Variants in POLR3B observed in about 807,000 individuals in gnomAD.
POLR3B encodes DNA-directed RNA polymerase III subunit RPC2.
Under a neutral mutation model 147.4 loss-of-function variants are expected in POLR3B, and 96 were observed. The observed-to-expected ratio is 0.65, with a 90% CI of 0.55 to 0.77. The LOEUF (loss-of-function observed/expected upper bound fraction) is 0.77, where lower values mean the gene tolerates loss of function less well. Among genes scored for constraint, POLR3B ranks in the 30% least tolerant of loss-of-function variants. POLR3B has a pLI of 0.00. For synonymous variants in POLR3B, 461 were observed against 485.9 expected (o/e 0.95, Z 0.67); for missense variants, 1,036 against 1,413.5 (o/e 0.73, Z 4.28).
At chr12:106,438,521 A>G (rs972490784) in intron 18 of POLR3B, among the ~76,000 whole-genome samples, 4 of 151,344 alleles carry the variant, frequency 2.6e-5, no homozygotes, top group African/African-American at 9.7e-5. Context: ...TTTTGAGACA[A>G]GGTCTTGCTC....
chr12:106,358,006 G>A, intron 1 of POLR3B, 55 bp downstream of exon 1: 4 of 1,596,268 alleles, frequency 2.5e-6, no homozygotes, highest in Middle Eastern at 2.2e-4. Context: ...CTGAGGGGGC[G>A]TTGCCCGGAG....
intron 10 of POLR3B, among the ~76,000 whole-genome samples, chr12:106,404,045 A>G (rs922982563): frequency 6.6e-6 from 1 of 150,916 alleles, no homozygotes; most frequent in Non-Finnish European, 1.5e-5. Flanking sequence ...TTCCAAAATG[A>G]TTGTACCATT....
intron 18 of POLR3B, among the ~76,000 whole-genome samples, chr12:106,443,886 A>T (rs2037687509): frequency 6.6e-6 from 1 of 151,212 alleles, no homozygotes; most frequent in African/African-American, 2.4e-5. Context: ...GTGCAGTGGC[A>T]TGATCTCAGC....
intron 19 of POLR3B, among the ~76,000 whole-genome samples, chr12:106,445,801 C>T (rs1055815928): frequency 6.6e-6 from 1 of 152,106 alleles, no homozygotes; most frequent in African/African-American, 2.4e-5. Context: ...TGGGTAACAA[C>T]CAGAATGCAT....
At chr12:106,455,167 G>A (rs1008730785) in intron 20 of POLR3B, among the ~76,000 whole-genome samples, 3 of 152,146 alleles carry the variant, frequency 2.0e-5, no homozygotes, top group Non-Finnish European at 2.9e-5. Flanking sequence ...GCCAAGTGAC[G>A]AAAGTTAAAA....
intron 23 of POLR3B, among the ~76,000 whole-genome samples, chr12:106,477,151 C>CT (rs1296675514): frequency 7.2e-6 from 1 of 138,154 alleles, no homozygotes; most frequent in Non-Finnish European, 1.5e-5. Context: ...TGTGCCCCTG[C>CT]TGGGGGGTGC....
chr12:106,359,344 T>TG (rs2036433980), intron 1 of POLR3B, among the ~76,000 whole-genome samples: 1 of 151,110 alleles, frequency 6.6e-6, no homozygotes, highest in African/African-American at 2.4e-5. Flanking sequence ...TTTTTTTTTT[T>TG]TTTTTGAGAC....
chr12:106,406,033 G>T (rs964462434), intron 11 of POLR3B, 57 bp downstream of exon 11: 9 of 1,582,492 alleles, frequency 5.7e-6, no homozygotes, highest in Non-Finnish European at 7.8e-6. Flanking sequence ...ATTCCTGTTA[G>T]AGAACTGTGA....
chr12:106,432,557 T>A (rs2137004119), intron 15 of POLR3B, 77 bp downstream of exon 15: 1 of 1,198,436 alleles, frequency 8.3e-7, no homozygotes, highest in Middle Eastern at 1.9e-4. Flanking sequence ...ATCCTGGTAT[T>A]TAAAGCACAG....
intron 10 of POLR3B, among the ~76,000 whole-genome samples, chr12:106,393,975 A>G (rs1279858574): frequency 6.6e-6 from 1 of 152,118 alleles, no homozygotes; most frequent in Non-Finnish European, 1.5e-5. Flanking sequence ...ATCACAACAG[A>G]CAGTTCTTAC....
At chr12:106,468,700 A>AC (rs1213064404) in intron 23 of POLR3B, among the ~76,000 whole-genome samples, 3 of 151,882 alleles carry the variant, frequency 2.0e-5, no homozygotes, top group Non-Finnish European at 2.9e-5. Context: ...TTCATTATTT[A>AC]CCCCATAGTC....
At position 106,432,330 on chromosome 12, in the gene POLR3B, G is replaced by C. The variant is rs1396040670; in HGVS notation, c.1477G>C (p.Val493Leu). 2 of 1,613,540 alleles carry C rather than the reference G, an allele frequency of 1.2e-6. No homozygotes were observed. The highest frequency in any genetic ancestry group is 2.7e-5 in the African/African-American group (2 of 74,878). ...DTPEGEACGL[V>L]KNLALMTHIT... Reference sequence around the variant, plus strand: ...TTTTGTTTTTTAGGCATGTGGTTTGGTTAAAAACTTGGCCCTTATGACACA... The same window carrying C: ...TTTTGTTTTTTAGGCATGTGGTTTGCTTAAAAACTTGGCCCTTATGACACA... The change falls in exon 15 of 28, where the codon GTT becomes CTT. Residue 493 changes from valine to leucine, a missense_variant. This residue lies in a region of POLR3B where 177 missense variants were observed against 232.7 expected (regional missense o/e 0.76). Transcript: ENST00000228347.
At chr12:106,396,688 T>C (rs1375494348) in intron 10 of POLR3B, among the ~76,000 whole-genome samples, 1 of 152,184 alleles carries the variant, frequency 6.6e-6, no homozygotes, top group African/African-American at 2.4e-5. Context: ...ATCTAGGTTT[T>C]GAAGCATGAA....
intron 26 of POLR3B, among the ~76,000 whole-genome samples, chr12:106,501,808 A>C (rs953484461): frequency 6.6e-6 from 1 of 152,236 alleles, no homozygotes; most frequent in Non-Finnish European, 1.5e-5. Context: ...CAGAAGACAC[A>C]TGCAGACATT....
intron 23 of POLR3B, among the ~76,000 whole-genome samples, chr12:106,490,464 TAAGA>T (rs2038393082): frequency 6.6e-6 from 1 of 152,234 alleles, no homozygotes; most frequent in South Asian, 2.1e-4. Context: ...GATGTTTTAA[TAAGA>T]AAGCTAATCA....
intron 10 of POLR3B, among the ~76,000 whole-genome samples, chr12:106,405,539 TACACACACACAC>T (rs71072675): frequency 2.0e-4 from 28 of 142,700 alleles, no homozygotes; most frequent in Admixed American, 7.2e-4. Flanking sequence ...GCTATATGTC[TACACACACACAC>T]ACACACACAC....
At chr12:106,443,668 C>A (rs150766273) in intron 18 of POLR3B, among the ~76,000 whole-genome samples, 4 of 151,374 alleles carry the variant, frequency 2.6e-5, no homozygotes, top group Non-Finnish European at 5.9e-5. Context: ...TAGGTGCCCG[C>A]CACCATGCCT....
chr12:106,493,752 G>A (rs950751728), intron 23 of POLR3B, among the ~76,000 whole-genome samples: 5 of 152,182 alleles, frequency 3.3e-5, no homozygotes, highest in Admixed American at 1.3e-4. Context: ...GGTAGAAGCC[G>A]CAATGATGGA....
At chr12:106,472,903 A>G (rs1390420185) in intron 23 of POLR3B, among the ~76,000 whole-genome samples, 1 of 137,302 alleles carries the variant, frequency 7.3e-6, no homozygotes, top group Non-Finnish European at 1.5e-5. Flanking sequence ...TTTTGTTGCC[A>G]TTGCTTTTGG....
Sources: gnomAD v4.1 joint callset for allele counts (sites outside exome capture counted in the v4.1 genomes callset) on GRCh38, gnomAD v4.1.1 for gene constraint, gnomAD v4.1.1 regional missense constraint, MANE v1.5 for transcripts, NCBI Gene and HGNC (gene_info 2026-07-23, HGNC 2026-07-21) for gene names.